Variants in PSD3 observed in about 807,000 individuals in gnomAD.
The protein encoded by PSD3 is pleckstrin and Sec7 domain containing 3.
In PSD3, 49 loss-of-function variants were observed where a neutral mutation model predicts 105.5. The observed-to-expected ratio is 0.46, with a 90% CI of 0.37 to 0.59. The LOEUF is 0.59. Among genes scored for constraint, PSD3 ranks in the 20% least tolerant of loss-of-function variants. The pLI is 0.00. For synonymous variants in PSD3, 557 were observed against 457.8 expected (o/e 1.22, Z -2.77); for missense variants, 1,561 against 1,263.8 (o/e 1.24, Z -3.57).
chr8:18,863,892 G>A (rs565390794), intron 4 of PSD3, among the ~76,000 whole-genome samples: 86 of 152,162 alleles, frequency 5.7e-4, no homozygotes, highest in Admixed American at 1.6e-3. Flanking sequence ...CTGAGCCCAA[G>A]ACTGGAAGGC....
rs1388066773 is a variant in PSD3, at chr8:18,805,011, T to A, written c.1635-113A>T. The A allele has an allele frequency of 3.3e-6, 3 of 896,662 alleles. No individual in the cohort carries two copies. The African/African-American group carries it at 5.1e-5, about 15-fold the overall frequency. 55.5% of individuals were successfully genotyped at this position (896,662 alleles called of 1,614,324 possible). On this transcript the variant is annotated intron_variant, in intron 4 of 15. Transcript: ENST00000327040. ...TTAGTTCAGCTACACTTAGATGAGA[T>A]CACTGTATGTTTAAATATTCATAAA...
chr8:18,560,621 T>C (rs1039653054), intron 14 of PSD3, among the ~76,000 whole-genome samples: 2 of 152,086 alleles, frequency 1.3e-5, no homozygotes, highest in African/African-American at 4.8e-5. Flanking sequence ...TAGATTTAAA[T>C]CAGTAAGACC....
At chr8:18,845,483 C>T (rs2129451680) in intron 4 of PSD3, among the ~76,000 whole-genome samples, 1 of 152,340 alleles carries the variant, frequency 6.6e-6, no homozygotes, top group Admixed American at 6.5e-5. Flanking sequence ...ATTCGGAAGA[C>T]AGGTGCGTCC....
chr8:18,791,404 G>C (rs1809704530), intron 8 of PSD3, among the ~76,000 whole-genome samples: 1 of 152,114 alleles, frequency 6.6e-6, no homozygotes, highest in South Asian at 2.1e-4. Flanking sequence ...GAACAGAATA[G>C]AGAACCCAGA....
chr8:18,919,740 T>C (rs1315053946), intron 2 of PSD3, among the ~76,000 whole-genome samples: 1 of 150,956 alleles, frequency 6.6e-6, no homozygotes, highest in Non-Finnish European at 1.5e-5. Flanking sequence ...CTCAGTAAAC[T>C]ATCGCAATAA....
At chr8:18,783,458 C>T (rs1261208636) in intron 8 of PSD3, among the ~76,000 whole-genome samples, 1 of 152,076 alleles carries the variant, frequency 6.6e-6, no homozygotes, top group African/African-American at 2.4e-5. Context: ...CTGTTTAATT[C>T]ATCTTTGCTC....
At chr8:18,679,429 G>C (rs191053046) in intron 9 of PSD3, among the ~76,000 whole-genome samples, 123 of 152,304 alleles carry the variant, frequency 8.1e-4, no homozygotes, top group Admixed American at 1.9e-3. Context: ...TTGGAGCAAA[G>C]GACTTCCATT....
chr8:18,930,736 T>A (rs1834684), intron 2 of PSD3, among the ~76,000 whole-genome samples: 72,162 of 151,602 alleles, frequency 0.48, 18,636 homozygotes, highest in African/African-American at 0.67. Context: ...CACCTAGCTA[T>A]TTTTTTTATT....
intron 4 of PSD3, among the ~76,000 whole-genome samples, chr8:18,836,578 C>G (rs1198237802): frequency 6.6e-6 from 1 of 151,962 alleles, no homozygotes; most frequent in African/African-American, 2.4e-5. Flanking sequence ...TACATTTGTC[C>G]CGCCATATCC....
chr8:18,717,280 G>A (rs1426072243), intron 9 of PSD3, among the ~76,000 whole-genome samples: 8 of 151,100 alleles, frequency 5.3e-5, no homozygotes, highest in South Asian at 2.1e-4. Context: ...CATTTGCAAC[G>A]GGCCACTTTC....
At chr8:18,919,481 C>G (rs937545849) in intron 2 of PSD3, among the ~76,000 whole-genome samples, 1 of 152,000 alleles carries the variant, frequency 6.6e-6, no homozygotes, top group South Asian at 2.1e-4. Context: ...CTGAGTCAAA[C>G]AGAATCAGAA....
intron 1 of PSD3, among the ~76,000 whole-genome samples, chr8:18,938,683 C>T (rs545653857): frequency 1.3e-5 from 2 of 150,134 alleles, no homozygotes; most frequent in East Asian, 3.9e-4. Flanking sequence ...AGAATAGATA[C>T]TAACCACTTA....
At chr8:18,602,648 A>G (rs1804519371) in intron 11 of PSD3, among the ~76,000 whole-genome samples, 1 of 152,060 alleles carries the variant, frequency 6.6e-6, no homozygotes, top group Admixed American at 6.5e-5. Context: ...AGAGTAAGGT[A>G]CTATTGATAC....
chr8:18,540,483 G>A (rs1450151703), intron 15 of PSD3, among the ~76,000 whole-genome samples: 2 of 152,180 alleles, frequency 1.3e-5, no homozygotes, highest in East Asian at 1.9e-4. Context: ...TTCTTAAGTG[G>A]TGAAGAAGGA....
chr8:18,752,501 A>ATT (rs1554489399), intron 9 of PSD3, among the ~76,000 whole-genome samples: 2 of 88,640 alleles, frequency 2.3e-5, no homozygotes, highest in East Asian at 2.9e-4. Flanking sequence ...TAATATATAT[A>ATT]ATATATATAA....
chr8:18,614,571 T>C (rs961012450), intron 11 of PSD3, among the ~76,000 whole-genome samples: 1 of 152,132 alleles, frequency 6.6e-6, no homozygotes, highest in Non-Finnish European at 1.5e-5. Context: ...AAATAAGGCT[T>C]AATACATTAC....
chr8:18,949,922 T>C (rs1375794243), intron 1 of PSD3, among the ~76,000 whole-genome samples: 1 of 152,146 alleles, frequency 6.6e-6, no homozygotes, highest in African/African-American at 2.4e-5. Context: ...GTAAAATACA[T>C]TATATGGGTG....
chr8:18,956,290 G>A (rs1487288314), intron 1 of PSD3, among the ~76,000 whole-genome samples: 1 of 152,152 alleles, frequency 6.6e-6, no homozygotes, highest in African/African-American at 2.4e-5. Context: ...AAACTGGGGT[G>A]GGCATGCACA....
intron 1 of PSD3, among the ~76,000 whole-genome samples, chr8:19,079,593 G>C (rs1030380986): frequency 1.3e-5 from 2 of 152,190 alleles, no homozygotes; most frequent in Non-Finnish European, 2.9e-5. Flanking sequence ...GTAAGTGACT[G>C]CTTCCTGGGG....
Sources: allele counts gnomAD v4.1 joint callset (sites outside exome capture counted in the v4.1 genomes callset), GRCh38; gene constraint gnomAD v4.1.1; transcripts MANE v1.5; gene names NCBI Gene and HGNC (gene_info 2026-07-23, HGNC 2026-07-21).